Variants in ARHGAP15 observed in about 807,000 individuals in gnomAD.
ARHGAP15 encodes the protein Rho GTPase activating protein 15, also known as rho GTPase-activating protein 15.
A neutral mutation model predicts 63.7 loss-of-function variants in ARHGAP15; 51 were observed. The ratio of observed to expected loss-of-function variants is 0.80; its 90% CI spans 0.64 to 1.01. The LOEUF is 1.01. ARHGAP15 is among the 50% of genes least tolerant of loss of function. ARHGAP15 has a pLI of 0.00. For synonymous variants in ARHGAP15, 191 were observed against 193.8 expected, an observed-to-expected ratio of 0.99 and a Z score of 0.12; for missense variants, 560 against 564.6, an observed-to-expected ratio of 0.99 and a Z score of 0.08.
intron 1 of ARHGAP15, among the ~76,000 whole-genome samples, chr2:143,150,351 T>C (rs554747124): frequency 1.8e-4 from 28 of 152,122 alleles, no homozygotes; most frequent in Admixed American, 5.9e-4. Flanking sequence ...TATGATTAGA[T>C]GAAATATCAT....
chr2:143,466,929 G>A (rs1316812809), intron 8 of ARHGAP15, among the ~76,000 whole-genome samples: 2 of 152,038 alleles, frequency 1.3e-5, no homozygotes, highest in African/African-American at 4.8e-5. Flanking sequence ...ACAAAAATGA[G>A]TAAAATTCAT....
chr2:143,656,934 G>GGGGTGTGTGTGTGTGTGTGTGTGTGTGT (rs1484394918), intron 12 of ARHGAP15, among the ~76,000 whole-genome samples: 5 of 144,936 alleles, frequency 3.4e-5, no homozygotes, highest in Non-Finnish European at 6.1e-5. Context: ...CAAAGTTTCT[G>GGGGTGTGTGTGTGTGTGTGTGTGTGTGT]GTGTGTGTGT....
intron 6 of ARHGAP15, among the ~76,000 whole-genome samples, chr2:143,310,143 A>G (rs1174205513): frequency 6.6e-6 from 1 of 152,032 alleles, no homozygotes; most frequent in Non-Finnish European, 1.5e-5. Context: ...TTCTTGATAA[A>G]ATCACGCAAA....
intron 11 of ARHGAP15, among the ~76,000 whole-genome samples, chr2:143,597,495 A>T (rs995291505): frequency 2.0e-5 from 3 of 152,102 alleles, no homozygotes; most frequent in African/African-American, 7.2e-5. Context: ...TCAAGATGCC[A>T]GTCGCCAGCT....
chr2:143,377,047 A>T (rs72999508), intron 6 of ARHGAP15, among the ~76,000 whole-genome samples: 5,870 of 152,204 alleles, frequency 0.039, 372 homozygotes, highest in African/African-American at 0.13. Context: ...TTGAGGAAGT[A>T]CAAGTTTTGG....
chr2:143,540,804 T>C (rs1290305578), intron 10 of ARHGAP15, among the ~76,000 whole-genome samples: 1 of 152,208 alleles, frequency 6.6e-6, no homozygotes, highest in Non-Finnish European at 1.5e-5. Flanking sequence ...CTGGCTGCCC[T>C]TAACATTTTT....
intron 9 of ARHGAP15, among the ~76,000 whole-genome samples, chr2:143,490,563 A>G (rs997423497): frequency 3.3e-5 from 5 of 152,130 alleles, no homozygotes; most frequent in Non-Finnish European, 5.9e-5. Flanking sequence ...CATTAGCTAG[A>G]ACCTAGACTT....
At chr2:143,679,086 A>T (rs1682967094) in intron 12 of ARHGAP15, among the ~76,000 whole-genome samples, 1 of 152,200 alleles carries the variant, frequency 6.6e-6, no homozygotes, top group South Asian at 2.1e-4. Flanking sequence ...TAGAAAAGTC[A>T]ATCATAAATG....
At chr2:143,190,963 G>T (rs943636205) in intron 2 of ARHGAP15, among the ~76,000 whole-genome samples, 1 of 152,120 alleles carries the variant, frequency 6.6e-6, no homozygotes, top group African/African-American at 2.4e-5. Flanking sequence ...CAGAGACAGG[G>T]TTTCACCATG....
intron 6 of ARHGAP15, among the ~76,000 whole-genome samples, chr2:143,282,374 T>TA (rs1681892999): frequency 6.6e-6 from 1 of 151,982 alleles, no homozygotes. Flanking sequence ...AGAGGTTTAA[T>TA]AGACTTACAG....
At chr2:143,718,764 A>G (rs1433377766) in intron 13 of ARHGAP15, among the ~76,000 whole-genome samples, 1 of 152,232 alleles carries the variant, frequency 6.6e-6, no homozygotes, top group Non-Finnish European at 1.5e-5. Context: ...TGTTGCCTAC[A>G]TCATCTGTCC....
chr2:143,154,783 G>T (rs1690014454), intron 1 of ARHGAP15, among the ~76,000 whole-genome samples: 1 of 151,796 alleles, frequency 6.6e-6, no homozygotes, highest in African/African-American at 2.4e-5. Context: ...TTTTCTCATT[G>T]CTGCTCCTTT....
Position 143,649,478 on chromosome 2 carries a change from C to T in ARHGAP15, c.1138+25211C>T, listed in dbSNP as rs557856867. 5.3e-5 allele frequency among the ~76,000 whole-genome samples: 8 copies of T among 151,986 alleles called. No homozygotes were observed. In the East Asian group the frequency reaches 1.5e-3, roughly 29 times the overall value. On this transcript the variant is annotated intron_variant, in intron 12 of 13. Coordinates refer to ENST00000295095, the MANE Select transcript of ARHGAP15 (RefSeq NM_018460.4). ...TTTTTTTAGTTGGGAGTTTATAACG[C>T]AAATGTAAAGATTTGCTATGGGCTA...
intron 2 of ARHGAP15, 140 bp downstream of exon 2, chr2:143,155,795 C>A: frequency 1.2e-6 from 1 of 803,232 alleles, no homozygotes. Flanking sequence ...TTTTATCTTG[C>A]ATACTTACAG....
At chr2:143,767,540 C>T (rs2072961596) in intron 13 of ARHGAP15, among the ~76,000 whole-genome samples, 1 of 152,086 alleles carries the variant, frequency 6.6e-6, no homozygotes, top group Non-Finnish European at 1.5e-5. Context: ...GAATACTTTA[C>T]TCAACACTAA....
chr2:143,707,734 G>T (rs1312037346), intron 13 of ARHGAP15, among the ~76,000 whole-genome samples: 1 of 152,204 alleles, frequency 6.6e-6, no homozygotes, highest in East Asian at 1.9e-4. Context: ...GATAGGGGAG[G>T]GTTATGTAGA....
In ARHGAP15 at chr2:143,436,978, T is replaced by C. The variant is rs1689640763; in HGVS notation, c.639T>C (p.Thr213=). The change falls in exon 8 of 14, where the codon ACT becomes ACC. Residue 213 remains threonine, a synonymous_variant. Coordinates refer to ENST00000295095, the MANE Select transcript of ARHGAP15 (RefSeq NM_018460.4). ...ELFKIQRSSS[T]ELLSHYDSDI... ...TCAAAATCCAAAGATCCTCTAGCACTGAATTGCTAAGTCACTACGACAGTG... is the reference window on the plus strand; with the variant it reads ...TCAAAATCCAAAGATCCTCTAGCACCGAATTGCTAAGTCACTACGACAGTG... 4 of 1,611,210 alleles carry C rather than the reference T, an allele frequency of 2.5e-6. No individual in the cohort carries two copies. Among genetic ancestry groups the C allele is most frequent in the Admixed American group, 1.7e-5 (1 of 59,406 alleles).
intron 8 of ARHGAP15, among the ~76,000 whole-genome samples, chr2:143,460,429 A>T (rs1360243700): frequency 1.3e-5 from 2 of 152,204 alleles, no homozygotes; most frequent in African/African-American, 2.4e-5. Flanking sequence ...GGCATGAATG[A>T]CAGACATCTG....
intron 1 of ARHGAP15, among the ~76,000 whole-genome samples, chr2:143,132,289 T>C (rs1477549848): frequency 6.6e-6 from 1 of 152,230 alleles, no homozygotes; most frequent in Non-Finnish European, 1.5e-5. Flanking sequence ...AAAAGAGATA[T>C]TCTTTTATGT....
Sources: gnomAD v4.1 joint callset for allele counts (sites outside exome capture counted in the v4.1 genomes callset) on GRCh38, gnomAD v4.1.1 for gene constraint, MANE v1.5 for transcripts, NCBI Gene and HGNC (gene_info 2026-07-23, HGNC 2026-07-21) for gene names.